MET: variants seen among roughly 807,000 people sequenced by gnomAD.
MET encodes hepatocyte growth factor receptor.
MET carries 48 observed loss-of-function variants against 133.1 expected under a neutral mutation model. The ratio of observed to expected loss-of-function variants is 0.36; its 90% CI spans 0.29 to 0.46. The LOEUF (loss-of-function observed/expected upper bound fraction) is 0.46. Ranked by LOEUF, MET falls within the 20% of genes least tolerant of loss-of-function variation. MET has a pLI of 1.00. For synonymous variants in MET, 628 were observed against 616.5 expected (o/e 1.02, Z -0.28); for missense variants, 1,442 against 1,695.9 (o/e 0.85, Z 2.63).
intron 2 of MET, among the ~76,000 whole-genome samples, chr7:116,702,396 C>T (rs1293302386): frequency 6.6e-6 from 1 of 152,146 alleles, no homozygotes; most frequent in East Asian, 1.9e-4. Context: ...CATATTCTCT[C>T]TCTCCATATA....
At chr7:116,762,001 C>T (rs557259711) in intron 10 of MET, among the ~76,000 whole-genome samples, 1 of 152,250 alleles carries the variant, frequency 6.6e-6, no homozygotes, top group South Asian at 2.1e-4. Flanking sequence ...GCTTGTTTGT[C>T]TTTTCCTTGG....
intron 2 of MET, among the ~76,000 whole-genome samples, chr7:116,729,458 C>T (rs931399662): frequency 2.6e-5 from 4 of 152,072 alleles, no homozygotes; most frequent in African/African-American, 9.7e-5. Flanking sequence ...GGAATAAGGT[C>T]GCTATACAGA....
At chr7:116,768,667 A>T (rs746501922) in intron 11 of MET, among the ~76,000 whole-genome samples, 10 of 152,214 alleles carry the variant, frequency 6.6e-5, no homozygotes, top group Admixed American at 2.6e-4. Flanking sequence ...AGTATTAAAG[A>T]TTATATAAAA....
intron 5 of MET, among the ~76,000 whole-genome samples, chr7:116,742,620 T>C (rs117029561): frequency 3.9e-3 from 599 of 152,350 alleles, no homozygotes; most frequent in Non-Finnish European, 6.3e-3. Context: ...GTGCTTCCTT[T>C]TACTAAGCAT....
intron 2 of MET, among the ~76,000 whole-genome samples, chr7:116,716,527 AAGAAAGAAAG>A (rs1313596143): frequency 6.0e-5 from 9 of 150,758 alleles, no homozygotes; most frequent in East Asian, 1.9e-4. Flanking sequence ...GAAAGAAAGA[AAGAAAGAAAG>A]AAGATATGAA....
chr7:116,733,265 AAAG>A (rs1352339046), intron 3 of MET, among the ~76,000 whole-genome samples: 2 of 152,168 alleles, frequency 1.3e-5, no homozygotes, highest in African/African-American at 4.8e-5. Context: ...GCAAAAATAC[AAAG>A]AAGGACTAGA....
chr7:116,741,464 A>C (rs970371015), intron 5 of MET, among the ~76,000 whole-genome samples: 1 of 152,180 alleles, frequency 6.6e-6, no homozygotes, highest in African/African-American at 2.4e-5. Flanking sequence ...CCTCCATCAC[A>C]GAAACAGATC....
chr7:116,724,090 C>A (rs1026665649), intron 2 of MET: 36 of 175,014 alleles, frequency 2.1e-4, no homozygotes, highest in Middle Eastern at 5.0e-3. Flanking sequence ...GCCTCGCTGC[C>A]GCCTTGCGGT....
intron 14 of MET, among the ~76,000 whole-genome samples, chr7:116,774,287 G>A (rs929061044): frequency 2.0e-5 from 3 of 152,244 alleles, no homozygotes; most frequent in Non-Finnish European, 2.9e-5. Flanking sequence ...TCCACTAACC[G>A]AGATCTAACC....
At chr7:116,695,023 G>A (rs566359835) in intron 1 of MET, among the ~76,000 whole-genome samples, 62 of 152,240 alleles carry the variant, frequency 4.1e-4, no homozygotes, top group African/African-American at 1.4e-3. Context: ...ACTTCACACT[G>A]CATTAATGGA....
chr7:116,696,232 T>C (rs909916113), intron 1 of MET, among the ~76,000 whole-genome samples: 8 of 152,106 alleles, frequency 5.3e-5, no homozygotes, highest in African/African-American at 1.9e-4. Context: ...GTCGAGTTGG[T>C]CTCCCTTCCT....
intron 2 of MET, among the ~76,000 whole-genome samples, chr7:116,731,061 C>T (rs937759983): frequency 6.6e-6 from 1 of 152,108 alleles, no homozygotes; most frequent in African/African-American, 2.4e-5. Flanking sequence ...GTTCTCTCTA[C>T]TTTACAGATT....
At chr7:116,716,469 GAA>G (rs1331516834) in intron 2 of MET, among the ~76,000 whole-genome samples, 1 of 18,190 alleles carries the variant, frequency 5.5e-5, no homozygotes. Context: ...GAAAGAAAGA[GAA>G]AGAAAGAAAG....
intron 1 of MET, among the ~76,000 whole-genome samples, chr7:116,683,665 C>A (rs1796441671): frequency 6.6e-6 from 1 of 152,248 alleles, no homozygotes; most frequent in South Asian, 2.1e-4. Context: ...TACCACATGC[C>A]CAAGAAAGTG....
At chr7:116,733,101 T>A (rs1232096092) in intron 3 of MET, among the ~76,000 whole-genome samples, 1 of 152,152 alleles carries the variant, frequency 6.6e-6, no homozygotes, top group Non-Finnish European at 1.5e-5. Context: ...ATCCTTAACT[T>A]CTCAAACCTG....
rs1794574974 is a variant in MET at position 116,765,212 on chromosome 7, G to A, written c.2583+1944G>A. Among the ~76,000 whole-genome samples, 4 of 149,490 alleles carry A rather than the reference G, an allele frequency of 2.7e-5. No homozygotes were observed. In the Admixed American group the frequency reaches 2.7e-4, roughly 10 times the overall value. On this transcript the variant is annotated intron_variant, in intron 11 of 20. Coordinates refer to ENST00000397752, the MANE Select transcript of MET (RefSeq NM_000245.4). ...CTACTCAGGAGGCTGAGGGACGGAG[G>A]TGACCTGAGTCCTGAAGGCGGAGGT...
chr7:116,728,402 T>C (rs1792876053), intron 2 of MET, among the ~76,000 whole-genome samples: 1 of 152,170 alleles, frequency 6.6e-6, no homozygotes, highest in Non-Finnish European at 1.5e-5. Context: ...AGACTTGAAG[T>C]GTGCAATATA....
At chr7:116,726,079 C>A (rs1200928416) in intron 2 of MET, among the ~76,000 whole-genome samples, 1 of 111,624 alleles carries the variant, frequency 9.0e-6, no homozygotes, top group Non-Finnish European at 1.8e-5. Flanking sequence ...CTTATGGGAC[C>A]ACCATAATAT....
chr7:116,684,555 A>G (rs1796479506), intron 1 of MET, among the ~76,000 whole-genome samples: 1 of 152,232 alleles, frequency 6.6e-6, no homozygotes, highest in South Asian at 2.1e-4. Context: ...AAGGCTTCCC[A>G]GAACTGTTCC....
Sources: gnomAD v4.1 joint callset for allele counts (sites outside exome capture counted in the v4.1 genomes callset) on GRCh38, gnomAD v4.1.1 for gene constraint, MANE v1.5 for transcripts, NCBI Gene and HGNC (gene_info 2026-07-23, HGNC 2026-07-21) for gene names.